The following CHRDL1 variants were observed in gnomAD, a reference collection of about 807,000 sequenced individuals.
The protein encoded by CHRDL1 is chordin like 1.
Under a neutral mutation model 40.9 loss-of-function variants are expected in CHRDL1, and 19 were observed. The observed-to-expected ratio is 0.46, with a 90% CI of 0.32 to 0.68. CHRDL1 has a LOEUF of 0.68. Ranked by LOEUF, CHRDL1 falls within the 30% of genes least tolerant of loss-of-function variation. The pLI, the probability that CHRDL1 is intolerant of heterozygous loss-of-function variation, is 0.03. For synonymous variants in CHRDL1, 136 were observed against 123.4 expected, an observed-to-expected ratio of 1.10 and a Z score of -0.68; for missense variants, 329 against 352.1, an observed-to-expected ratio of 0.93 and a Z score of 0.53.
chrX:110,704,123 A>C (rs1173831978), intron 6 of CHRDL1, among the ~76,000 whole-genome samples: 2 of 111,006 alleles, frequency 1.8e-5, no homozygotes, highest in Non-Finnish European at 3.8e-5. Flanking sequence ...TAACTTAAAG[A>C]GTGTAATTGG....
At chrX:110,721,312 G>T in intron 5 of CHRDL1, 73 bp downstream of exon 5, 1 of 989,059 alleles carries the variant, frequency 1.0e-6, no homozygotes, top group Non-Finnish European at 1.4e-6. Flanking sequence ...AGGCACAAAT[G>T]AAAGTACAAG....
At chrX:110,756,907 A>G (rs1681465083) in intron 4 of CHRDL1, among the ~76,000 whole-genome samples, 1 of 112,257 alleles carries the variant, frequency 8.9e-6, no homozygotes, top group African/African-American at 3.2e-5. Context: ...AAAAAAGAGA[A>G]TAAGATTCCC....
intron 6 of CHRDL1, among the ~76,000 whole-genome samples, chrX:110,710,403 T>C (rs1439977232): frequency 8.9e-6 from 1 of 112,050 alleles, no homozygotes; most frequent in African/African-American, 3.2e-5. Context: ...GGGAATTCCT[T>C]ATTTTTATTA....
intron 8 of CHRDL1, among the ~76,000 whole-genome samples, chrX:110,689,414 CT>C (rs2070111783): frequency 2.8e-5 from 1 of 36,275 alleles, no homozygotes; most frequent in African/African-American, 2.4e-4. Context: ...ATCTATATAT[CT>C]ATATATATCT....
chrX:110,723,824 T>G (rs1340373974), intron 4 of CHRDL1, among the ~76,000 whole-genome samples: 1 of 112,552 alleles, frequency 8.9e-6, no homozygotes, highest in East Asian at 2.8e-4. Flanking sequence ...TAACATCAAT[T>G]TCTGAGTAAT....
At chrX:110,759,196 C>A in intron 4 of CHRDL1, among the ~76,000 whole-genome samples, 1 of 112,342 alleles carries the variant, frequency 8.9e-6, no homozygotes, top group African/African-American at 3.2e-5. Flanking sequence ...ATTCAGCAGG[C>A]AGGCAGCTTT....
At chrX:110,742,584 G>T (rs906947271) in intron 4 of CHRDL1, among the ~76,000 whole-genome samples, 6 of 112,455 alleles carry the variant, frequency 5.3e-5, no homozygotes, top group African/African-American at 1.9e-4. Flanking sequence ...GTAGACTTGA[G>T]ATCCAAATTA....
intron 2 of CHRDL1, among the ~76,000 whole-genome samples, chrX:110,769,792 C>T (rs2089723519): frequency 8.9e-6 from 1 of 111,795 alleles, no homozygotes; most frequent in South Asian, 3.8e-4. Flanking sequence ...GCCCCCATAA[C>T]TGACCTCCCG....
intron 1 of CHRDL1, among the ~76,000 whole-genome samples, chrX:110,792,703 C>G (rs905886270): frequency 2.7e-5 from 3 of 111,116 alleles, no homozygotes; most frequent in Admixed American, 9.5e-5. Flanking sequence ...TCAGTTTCTC[C>G]TGTGTCCTCT....
intron 2 of CHRDL1, among the ~76,000 whole-genome samples, chrX:110,763,292 C>T (rs183676482): frequency 3.7e-5 from 4 of 107,648 alleles, no homozygotes; most frequent in East Asian, 2.9e-4. Context: ...ACTCTTCCCC[C>T]CAAGTGCCCA....
chrX:110,696,153 A>C (rs1176116659), intron 7 of CHRDL1, among the ~76,000 whole-genome samples: 2 of 111,399 alleles, frequency 1.8e-5, no homozygotes, highest in African/African-American at 6.6e-5. Context: ...AAAAAGAAGC[A>C]GTTGGACTGG....
At chrX:110,788,882 T>C (rs1232145235) in intron 2 of CHRDL1, among the ~76,000 whole-genome samples, 4 of 111,138 alleles carry the variant, frequency 3.6e-5, no homozygotes, top group African/African-American at 6.5e-5. Context: ...AAATTTCAGA[T>C]GGAATAGAGA....
In CHRDL1 at chrX:110,700,697, T is replaced by C; in HGVS notation, c.566A>G (p.His189Arg). 2.5e-6 allele frequency: 3 copies of C among 1,183,534 alleles called. No homozygotes were observed. The highest frequency in any genetic ancestry group is 3.4e-6 in the Non-Finnish European group (3 of 869,848). Residue 189 changes from histidine to arginine, a missense_variant, in exon 7 of 12, where the codon CAT becomes CGT. Coordinates refer to ENST00000372042, the MANE Select transcript of CHRDL1 (RefSeq NM_001143981.2). ...CRGDGELSWE[H>R]SDGDIFRQPA... ...TTGCCGGAAGATATCACCATCAGAATGTTCCCATGACAGTTCTCCATCTCC... is the reference window on the plus strand; with the variant it reads ...TTGCCGGAAGATATCACCATCAGAACGTTCCCATGACAGTTCTCCATCTCC...
chrX:110,694,113 G>A (rs1212593133), intron 8 of CHRDL1, 50 bp downstream of exon 8: 4 of 1,034,601 alleles, frequency 3.9e-6, no homozygotes, highest in Non-Finnish European at 5.4e-6. Context: ...CAAAGACCAG[G>A]GCTGCTGAAG....
chrX:110,718,609 C>T (rs1200095735), intron 6 of CHRDL1, among the ~76,000 whole-genome samples: 2 of 112,112 alleles, frequency 1.8e-5, no homozygotes, highest in African/African-American at 3.2e-5. Flanking sequence ...TTTCTTTTCT[C>T]TCTACTTAGA....
chrX:110,779,354 G>A (rs2089904446), intron 2 of CHRDL1, among the ~76,000 whole-genome samples: 1 of 111,558 alleles, frequency 9.0e-6, no homozygotes, highest in Non-Finnish European at 1.9e-5. Context: ...ACTCATGTCT[G>A]TGTTCCATTT....
chrX:110,706,715 T>C (rs73637154), intron 6 of CHRDL1, among the ~76,000 whole-genome samples: 1,247 of 112,129 alleles, frequency 0.011, 22 homozygotes, highest in African/African-American at 0.038. Context: ...TTTTGAACCA[T>C]ACATCATAAA....
intron 2 of CHRDL1, among the ~76,000 whole-genome samples, chrX:110,786,689 T>G (rs1394050015): frequency 8.9e-6 from 1 of 112,321 alleles, no homozygotes; most frequent in Non-Finnish European, 1.9e-5. Flanking sequence ...CCAATCCTAC[T>G]GAGAAGTCAG....
At chrX:110,769,137 C>T (rs1376395031) in intron 2 of CHRDL1, among the ~76,000 whole-genome samples, 2 of 112,213 alleles carry the variant, frequency 1.8e-5, no homozygotes, top group African/African-American at 3.2e-5. Context: ...GCCTAGTACA[C>T]TGTGGGCAAT....
Sources: allele counts gnomAD v4.1 joint callset (sites outside exome capture counted in the v4.1 genomes callset), GRCh38; gene constraint gnomAD v4.1.1; transcripts MANE v1.5; gene names NCBI Gene and HGNC (gene_info 2026-07-23, HGNC 2026-07-21).